The following BTK variants were observed in gnomAD, a reference collection of about 807,000 sequenced individuals.
BTK encodes tyrosine-protein kinase BTK.
In BTK, 5 loss-of-function variants were observed where a neutral mutation model predicts 57.4. The observed-to-expected ratio is 0.09, with a 90% confidence interval of 0.05 to 0.18. The LOEUF (loss-of-function observed/expected upper bound fraction) is 0.18, where lower values mean the gene tolerates loss of function less well. Among genes scored for constraint, BTK ranks in the 10% least tolerant of loss-of-function variants. The pLI is 1.00. For missense variants in BTK, 194 were observed against 501.2 expected (o/e 0.39, Z 5.85); for synonymous variants, 154 against 174.3 (o/e 0.88, Z 0.92).
chrX:101,355,705 A>G lies in BTK; in HGVS notation c.1566+347T>C, dbSNP rs182982483. On this transcript the variant is annotated intron_variant, in intron 15 of 18. Coordinates refer to ENST00000308731, the MANE Select transcript of BTK (RefSeq NM_000061.3). ...AGGCCCCAGTATGTGACTCTGAAGG[A>G]ACCAAATGATGGCCCCATGCCAGGA... 3 of 293,130 alleles carry G rather than the reference A, an allele frequency of 1.0e-5. No individual in the cohort carries two copies. The East Asian group carries it at 2.0e-4, about 20-fold the overall frequency. The allele number at this position is 293,130 out of a possible 1,213,427, so 24.2% of individuals were successfully genotyped here. A position where few individuals can be genotyped will look rare whatever the true frequency, so the allele number is the denominator to read the frequency against.
At chrX:101,374,390 C>A (rs868914518) in intron 3 of BTK, 146 bp downstream of exon 3, 1 of 524,953 alleles carries the variant, frequency 1.9e-6, no homozygotes, top group Non-Finnish European at 3.3e-6. Flanking sequence ...TTCTTTATAA[C>A]CAATATGGTA....
chrX:101,377,479 T>C (rs956587096), intron 1 of BTK, among the ~76,000 whole-genome samples: 2 of 111,400 alleles, frequency 1.8e-5, no homozygotes, highest in South Asian at 7.8e-4. Context: ...ACAAACCATG[T>C]CTGGTGTACT....
intron 9 of BTK, among the ~76,000 whole-genome samples, 188 bp downstream of exon 9, chrX:101,359,898 CTT>C (rs1178135008): frequency 7.7e-5 from 8 of 104,030 alleles, no homozygotes; most frequent in African/African-American, 2.8e-4. Flanking sequence ...TATATACACA[CTT>C]GTGTATGTAT....
At chrX:101,388,613 A>G (rs1555982774), upstream of BTK, among the ~76,000 whole-genome samples, 1 of 112,234 alleles carries the variant, frequency 8.9e-6, no homozygotes, top group Admixed American at 9.5e-5. Flanking sequence ...TGGTGTGAGA[A>G]GCCAAATTCC....
chrX:101,357,370 T>C, intron 13 of BTK, 139 bp downstream of exon 13: 1 of 564,727 alleles, frequency 1.8e-6, no homozygotes, highest in East Asian at 3.4e-5. Flanking sequence ...TGAATAACTT[T>C]TGCTTGGATC....
At chrX:101,383,930 T>G (rs1276185456) in intron 1 of BTK, among the ~76,000 whole-genome samples, 1 of 111,845 alleles carries the variant, frequency 8.9e-6, no homozygotes, top group Non-Finnish European at 1.9e-5. Flanking sequence ...GATGGCTTCA[T>G]GCATAACCAA....
At chrX:101,388,513 G>T (rs140428478), upstream of BTK, among the ~76,000 whole-genome samples, 2,517 of 111,900 alleles carry the variant, frequency 0.022, 84 homozygotes, top group African/African-American at 0.078. Flanking sequence ...ATAAAAAGTA[G>T]CCCGGTTAGT....
intron 10 of BTK, 71 bp downstream of exon 10, chrX:101,359,222 A>G: frequency 1.8e-6 from 2 of 1,106,112 alleles, no homozygotes; most frequent in Non-Finnish European, 2.5e-6. Flanking sequence ...GGTAGGGGGC[A>G]GAACAGGCCC....
chrX:101,363,776 T>C (rs1307779186), intron 5 of BTK, among the ~76,000 whole-genome samples: 6 of 106,895 alleles, frequency 5.6e-5, no homozygotes, highest in Admixed American at 2.0e-4. Flanking sequence ...GCAAAGACAA[T>C]TGAAATAACT....
intron 1 of BTK, among the ~76,000 whole-genome samples, chrX:101,381,091 T>G (rs996283995): frequency 9.3e-6 from 1 of 108,094 alleles, no homozygotes; most frequent in African/African-American, 3.4e-5. Flanking sequence ...CCCCTCAATA[T>G]AATATGTTAG....
At chrX:101,354,456 G>C (rs536199790) in intron 16 of BTK, among the ~76,000 whole-genome samples, 174 bp downstream of exon 16, 15 of 111,389 alleles carry the variant, frequency 1.3e-4, no homozygotes, top group Middle Eastern at 4.6e-3. Flanking sequence ...TAAAACAAAA[G>C]GATGAAAGAG....
chrX:101,364,447 C>G (rs925887846), intron 5 of BTK, among the ~76,000 whole-genome samples: 3 of 105,997 alleles, frequency 2.8e-5, no homozygotes, highest in African/African-American at 1.0e-4. Flanking sequence ...GAAAAAGAAA[C>G]AACTCAAATC....
At chrX:101,385,110 G>A (rs1176437743) in intron 1 of BTK, among the ~76,000 whole-genome samples, 1 of 111,701 alleles carries the variant, frequency 9.0e-6, no homozygotes, top group Non-Finnish European at 1.9e-5. Context: ...AATGGAAAGG[G>A]AAAGGAAAAG....
At chrX:101,355,556 AT>A in intron 15 of BTK, 1 of 131,669 alleles carries the variant, frequency 7.6e-6, no homozygotes, top group Non-Finnish European at 1.5e-5. Context: ...GACGGTGTAG[AT>A]TTTCAAGAGA....
intron 18 of BTK, among the ~76,000 whole-genome samples, chrX:101,352,104 G>A (rs886645509): frequency 5.6e-5 from 6 of 106,477 alleles, no homozygotes; most frequent in African/African-American, 2.1e-4. Flanking sequence ...CGGGGCTTGC[G>A]GTGAGCCGAG....
Position 101,383,764 on chromosome X carries a change from C to T in BTK, c.-31+2298G>A, listed in dbSNP as rs145936537. 1.3e-3 allele frequency among the ~76,000 whole-genome samples: 140 copies of T among 111,364 alleles called. 1 individual carries two copies. The highest frequency in any genetic ancestry group is 3.5e-3 in the African/African-American group (107 of 30,601). On this transcript the variant is annotated intron_variant, in intron 1 of 18. Coordinates refer to ENST00000308731, the MANE Select transcript of BTK (RefSeq NM_000061.3). ...ACATCTTGTGAGAACTTTCTAAGAG[C>T]GGAGAGAAGAGCCTGGTATTAAAGC...
At chrX:101,382,656 A>C (rs1555981957) in intron 1 of BTK, among the ~76,000 whole-genome samples, 1 of 111,217 alleles carries the variant, frequency 9.0e-6, no homozygotes, top group East Asian at 2.8e-4. Context: ...CCAACTGATG[A>C]TGGAAGGAGA....
chrX:101,379,301 A>G (rs1391132895), intron 1 of BTK, among the ~76,000 whole-genome samples: 4 of 112,078 alleles, frequency 3.6e-5, no homozygotes, highest in Non-Finnish European at 7.5e-5. Flanking sequence ...TGTACTTCAA[A>G]TGACTACTTA....
chrX:101,357,063 T>G, intron 13 of BTK, 108 bp from the exon 14 acceptor site: 1 of 817,420 alleles, frequency 1.2e-6, no homozygotes, highest in Non-Finnish European at 1.8e-6. Flanking sequence ...AAAAGGGAAA[T>G]TTTTAGAAGT....
Sources: gnomAD v4.1 joint callset for allele counts (sites outside exome capture counted in the v4.1 genomes callset) on GRCh38, gnomAD v4.1.1 for gene constraint, MANE v1.5 for transcripts, NCBI Gene and HGNC (gene_info 2026-07-23, HGNC 2026-07-21) for gene names.